The following CADM1 variants were observed in gnomAD, a reference collection of about 807,000 sequenced individuals.
The protein encoded by CADM1 is TSLC-1.
In CADM1, 15 loss-of-function variants were observed where a neutral mutation model predicts 53.1. That is an observed-to-expected ratio of 0.28 (90% CI 0.19 to 0.44). The LOEUF is 0.44. Ranked by LOEUF, CADM1 falls within the 20% of genes least tolerant of loss-of-function variation. CADM1 has a pLI of 1.00. For missense variants in CADM1, 434 were observed against 611.3 expected, an observed-to-expected ratio of 0.71 and a Z score of 3.06; for synonymous variants, 281 against 243.0, an observed-to-expected ratio of 1.16 and a Z score of -1.45.
At chr11:115,382,605 T>C (rs115224887) in intron 1 of CADM1, among the ~76,000 whole-genome samples, 1,766 of 152,218 alleles carry the variant, frequency 0.012, 36 homozygotes, top group African/African-American at 0.039. Context: ...TGCAAGTCCT[T>C]GTATAGTGGC....
In CADM1 at chr11:115,169,474, A is replaced by C. The variant is rs1938720244; in HGVS notation, c.*7000T>G. 1.2e-5 allele frequency: 5 copies of C among 405,784 alleles called. No individual in the cohort carries two copies. Among genetic ancestry groups the C allele is most frequent in the Non-Finnish European group, 2.5e-5 (5 of 203,330 alleles). 25.1% of individuals were successfully genotyped at this position (405,784 alleles called of 1,614,324 possible). On this transcript the variant is annotated 3_prime_UTR_variant, in exon 12 of 12. Transcript: ENST00000331581. ...CAGCAGCAATGGGCTTTGGCAGGGA[A>C]GTAGGAGCAAAAAACCCAAGTAGGA...
chr11:115,315,913 C>T (rs1157575056), intron 1 of CADM1, among the ~76,000 whole-genome samples: 1 of 152,148 alleles, frequency 6.6e-6, no homozygotes, highest in East Asian at 1.9e-4. Flanking sequence ...TAATACAGTG[C>T]AATTTTCATT....
At chr11:115,217,582 C>A (rs760199210) in intron 6 of CADM1, among the ~76,000 whole-genome samples, 1 of 152,110 alleles carries the variant, frequency 6.6e-6, no homozygotes, top group Non-Finnish European at 1.5e-5. Flanking sequence ...ATTGTAGGGA[C>A]ACCAATAATT....
intron 1 of CADM1, among the ~76,000 whole-genome samples, chr11:115,268,261 G>T (rs1373892032): frequency 6.6e-6 from 1 of 152,148 alleles, no homozygotes; most frequent in Admixed American, 6.5e-5. Flanking sequence ...GAACATTCTT[G>T]ATTTTTTACA....
At chr11:115,442,740 T>G (rs1456838528) in intron 1 of CADM1, among the ~76,000 whole-genome samples, 1 of 152,182 alleles carries the variant, frequency 6.6e-6, no homozygotes, top group Non-Finnish European at 1.5e-5. Flanking sequence ...AAAGTAACTC[T>G]TGATATTATA....
intron 1 of CADM1, among the ~76,000 whole-genome samples, chr11:115,431,102 A>G (rs1413411036): frequency 6.6e-6 from 1 of 152,186 alleles, no homozygotes; most frequent in African/African-American, 2.4e-5. Flanking sequence ...GGTAAGAACT[A>G]CAATGTCCTT....
At chr11:115,418,879 A>G (rs1046836692) in intron 1 of CADM1, among the ~76,000 whole-genome samples, 3 of 152,180 alleles carry the variant, frequency 2.0e-5, no homozygotes, top group Admixed American at 6.5e-5. Flanking sequence ...ATTTACATAA[A>G]CTATATAACA....
At chr11:115,215,621 A>G (rs900354579) in intron 6 of CADM1, among the ~76,000 whole-genome samples, 3 of 152,232 alleles carry the variant, frequency 2.0e-5, no homozygotes, top group Non-Finnish European at 2.9e-5. Flanking sequence ...AGTGATTTAA[A>G]GTGCCACATT....
chr11:115,436,189 G>A (rs1219355046), intron 1 of CADM1, among the ~76,000 whole-genome samples: 1 of 152,070 alleles, frequency 6.6e-6, no homozygotes, highest in Non-Finnish European at 1.5e-5. Context: ...CCCACATAAA[G>A]TAATGCTCAC....
In CADM1 at chr11:115,337,029, G is replaced by A. The variant is rs941966035; in HGVS notation, c.125-96609C>T. Among the ~76,000 whole-genome samples the A allele has an allele frequency of 7.9e-5, 12 of 152,270 alleles. No individual in the cohort carries two copies. In the East Asian group the frequency reaches 2.3e-3, roughly 29 times the overall value. On this transcript the variant is annotated intron_variant, in intron 1 of 11. Coordinates refer to ENST00000331581, the MANE Select transcript of CADM1 (RefSeq NM_001301043.2). ...AACCTTATCACCATTTTACAGATGA[G>A]GAAATTGAGGTACAGAGAATTAATT...
chr11:115,432,232 A>C (rs1289916797), intron 1 of CADM1, among the ~76,000 whole-genome samples: 1 of 152,128 alleles, frequency 6.6e-6, no homozygotes, highest in Admixed American at 6.6e-5. Flanking sequence ...GGCGTGAGCC[A>C]CCACACCCGG....
At chr11:115,455,404 CAT>C (rs201361698) in intron 1 of CADM1, among the ~76,000 whole-genome samples, 3 of 150,044 alleles carry the variant, frequency 2.0e-5, no homozygotes, top group Non-Finnish European at 1.5e-5. Flanking sequence ...AAAAAAAAAT[CAT>C]ATATATATAT....
intron 1 of CADM1, among the ~76,000 whole-genome samples, chr11:115,324,882 G>C (rs568098339): frequency 3.3e-4 from 50 of 152,210 alleles, no homozygotes; most frequent in Non-Finnish European, 5.7e-4. Context: ...CTCCTCCAAG[G>C]CAGCTCTTCT....
intron 1 of CADM1, among the ~76,000 whole-genome samples, chr11:115,248,074 C>G (rs1942464748): frequency 6.6e-6 from 1 of 152,198 alleles, no homozygotes; most frequent in South Asian, 2.1e-4. Flanking sequence ...CAAAGGTGAC[C>G]AGAGTCTTGA....
intron 1 of CADM1, among the ~76,000 whole-genome samples, chr11:115,427,547 A>T (rs1325741145): frequency 1.3e-5 from 2 of 152,220 alleles, no homozygotes; most frequent in Non-Finnish European, 2.9e-5. Context: ...ATAAGATGAT[A>T]GATATGGGGG....
intron 1 of CADM1, among the ~76,000 whole-genome samples, chr11:115,461,638 T>C (rs1213178818): frequency 6.6e-6 from 1 of 152,174 alleles, no homozygotes; most frequent in African/African-American, 2.4e-5. Flanking sequence ...CGGTGAGCTA[T>C]GAAAGGAAAA....
At chr11:115,454,004 T>C (rs958357537) in intron 1 of CADM1, among the ~76,000 whole-genome samples, 5 of 151,240 alleles carry the variant, frequency 3.3e-5, no homozygotes, top group African/African-American at 1.2e-4. Context: ...AGAATAGAGA[T>C]GAAAGAGAAG....
chr11:115,362,015 C>T (rs796743375), intron 1 of CADM1, among the ~76,000 whole-genome samples: 23 of 152,290 alleles, frequency 1.5e-4, no homozygotes, highest in African/African-American at 5.3e-4. Flanking sequence ...GCTGGGATTA[C>T]AGGCGAGAGC....
At chr11:115,276,695 C>G (rs1256698478) in intron 1 of CADM1, among the ~76,000 whole-genome samples, 2 of 152,146 alleles carry the variant, frequency 1.3e-5, no homozygotes, top group African/African-American at 4.8e-5. Flanking sequence ...TACCTAAAAA[C>G]TAACTTACAA....
Sources: gnomAD v4.1 joint callset for allele counts (sites outside exome capture counted in the v4.1 genomes callset) on GRCh38, gnomAD v4.1.1 for gene constraint, MANE v1.5 for transcripts, NCBI Gene and HGNC (gene_info 2026-07-23, HGNC 2026-07-21) for gene names.